FER: variants seen among roughly 807,000 people sequenced by gnomAD.
FER encodes the protein FER tyrosine kinase.
Under a neutral mutation model 111.0 loss-of-function variants are expected in FER, and 63 were observed. That is an observed-to-expected ratio of 0.57 (90% confidence interval 0.46 to 0.70). FER has a LOEUF of 0.70. Ranked by LOEUF, FER falls within the 30% of genes least tolerant of loss-of-function variation. The pLI, the probability that FER is intolerant of heterozygous loss-of-function variation, is 0.00. For synonymous variants in FER, 327 were observed against 313.9 expected (o/e 1.04, Z -0.44); for missense variants, 914 against 954.0 (o/e 0.96, Z 0.55).
In FER at chr5:108,822,732, T is replaced by A. The variant is rs907552788; in HGVS notation, c.208-10038T>A. 4.7e-3 allele frequency among the ~76,000 whole-genome samples: 648 copies of A among 137,928 alleles called. 1 individual carries two copies. Among genetic ancestry groups the A allele is most frequent in the Non-Finnish European group, 6.6e-3 (430 of 64,820 alleles). 90.5% of individuals were successfully genotyped at this position (137,928 alleles called of 152,430 possible). On this transcript the variant is annotated intron_variant, in intron 3 of 19. Transcript: ENST00000281092. ...TTATTTATTTTATTTTATTTTATTT[T>A]ATTTTATTTTATTTTATTTTATTTT...
At chr5:108,960,568 T>A (rs1167256591) in intron 13 of FER, among the ~76,000 whole-genome samples, 1 of 152,034 alleles carries the variant, frequency 6.6e-6, no homozygotes, top group Non-Finnish European at 1.5e-5. Flanking sequence ...TATATAAATC[T>A]TTCAATATTT....
At chr5:109,156,543 C>CAT (rs796820904) in intron 17 of FER, among the ~76,000 whole-genome samples, 40 of 151,700 alleles carry the variant, frequency 2.6e-4, no homozygotes, top group African/African-American at 8.9e-4. Context: ...GAGTCATGAG[C>CAT]ATATAGATGA....
At chr5:109,085,354 C>T (rs1203006647) in intron 16 of FER, among the ~76,000 whole-genome samples, 5 of 151,154 alleles carry the variant, frequency 3.3e-5, no homozygotes, top group Non-Finnish European at 1.5e-5. Flanking sequence ...ATTTACTTTT[C>T]AAGTATTTTT....
At chr5:108,888,868 A>G (rs1270495423) in intron 9 of FER, among the ~76,000 whole-genome samples, 1 of 151,894 alleles carries the variant, frequency 6.6e-6, no homozygotes. Flanking sequence ...TTAAAATGTT[A>G]GGACTAGAGA....
chr5:109,020,407 A>C (rs76427932), intron 13 of FER, among the ~76,000 whole-genome samples: 4,626 of 152,066 alleles, frequency 0.03, 107 homozygotes, highest in African/African-American at 0.065. Flanking sequence ...TTTTTAAAGA[A>C]TCTTCTAAAA....
At position 109,187,761 on chromosome 5, in the gene FER, A is replaced by AAGAAC. The variant is rs1759042252; in HGVS notation, c.*186_*187insAGAAC. 5 of 683,774 alleles carry AAGAAC rather than the reference A, an allele frequency of 7.3e-6. No homozygotes were observed. Among genetic ancestry groups the AAGAAC allele is most frequent in the Non-Finnish European group, 9.6e-6 (4 of 418,270 alleles). The allele number at this position is 683,774 out of a possible 1,614,324, so 42.4% of individuals were successfully genotyped here. On this transcript the variant is annotated 3_prime_UTR_variant, in exon 20 of 20. Transcript: ENST00000281092. ...AGTCAAAGGCAAATTTGTTAAAGAA[A>AAGAAC]TAGGCAGTCCTACCAAGGGCTTTCT...
chr5:108,966,447 G>T (rs1223662878), intron 13 of FER, among the ~76,000 whole-genome samples: 8 of 148,772 alleles, frequency 5.4e-5, no homozygotes, highest in African/African-American at 2.0e-4. Flanking sequence ...GAGTGCAGTG[G>T]CATGATCTCA....
chr5:109,156,739 A>G (rs1485012991), intron 17 of FER, among the ~76,000 whole-genome samples: 2 of 152,126 alleles, frequency 1.3e-5, no homozygotes, highest in African/African-American at 4.8e-5. Context: ...TCAAAGAAGC[A>G]GTGGTCAGTA....
intron 17 of FER, among the ~76,000 whole-genome samples, chr5:109,137,079 T>C (rs1561941959): frequency 6.7e-6 from 1 of 150,360 alleles, no homozygotes; most frequent in Non-Finnish European, 1.5e-5. Flanking sequence ...TTAAGAAATA[T>C]TTTTCGTTGT....
At chr5:109,116,018 C>T (rs578108535) in intron 17 of FER, among the ~76,000 whole-genome samples, 2 of 152,098 alleles carry the variant, frequency 1.3e-5, no homozygotes, top group East Asian at 1.9e-4. Context: ...TATATAATAA[C>T]ATGAAATGAT....
chr5:108,946,161 C>G lies in FER; in HGVS notation c.1268C>G (p.Ser423Cys). 6.2e-7 allele frequency: 1 copy of G among 1,612,294 alleles called. No individual in the cohort carries two copies. The highest frequency in any genetic ancestry group is 8.5e-7 in the Non-Finnish European group (1 of 1,178,846). Residue 423 changes from serine to cysteine, a missense_variant, in exon 11 of 20, where the codon TCT becomes TGT. Transcript: ENST00000281092. ...ERKERLSKFE[S>C]IRHSIAGIIR... Reference sequence around the variant, plus strand: ...AAGGAGAGGCTATCCAAATTTGAATCTATTCGTCATTCAATTGCTGGAATA... The same window carrying G: ...AAGGAGAGGCTATCCAAATTTGAATGTATTCGTCATTCAATTGCTGGAATA...
At chr5:108,852,887 A>G (rs946816953) in intron 5 of FER, among the ~76,000 whole-genome samples, 2 of 152,180 alleles carry the variant, frequency 1.3e-5, no homozygotes, top group African/African-American at 4.8e-5. Flanking sequence ...TAATCTCATT[A>G]AACACTGAAA....
chr5:109,105,038 C>T (rs903409726), intron 17 of FER, among the ~76,000 whole-genome samples: 9 of 152,040 alleles, frequency 5.9e-5, no homozygotes, highest in Non-Finnish European at 7.4e-5. Flanking sequence ...CCACCGCGCC[C>T]GGCCAAGACT....
At chr5:108,948,396 T>C (rs1017292984) in intron 11 of FER, among the ~76,000 whole-genome samples, 1 of 152,102 alleles carries the variant, frequency 6.6e-6, no homozygotes, top group South Asian at 2.1e-4. Context: ...TATTTTAATA[T>C]GTTATATCAG....
At chr5:108,777,409 G>T (rs1753610069) in intron 2 of FER, among the ~76,000 whole-genome samples, 2 of 152,082 alleles carry the variant, frequency 1.3e-5, no homozygotes, top group South Asian at 4.1e-4. Flanking sequence ...GTTTACAATT[G>T]ATGAACCTAC....
At chr5:109,039,945 T>G (rs540916773) in intron 14 of FER, among the ~76,000 whole-genome samples, 1 of 152,142 alleles carries the variant, frequency 6.6e-6, no homozygotes, top group Admixed American at 6.5e-5. Flanking sequence ...CTTACCTGAC[T>G]AAAAGATGAT....
intron 17 of FER, among the ~76,000 whole-genome samples, chr5:109,110,574 G>A (rs1223046515): frequency 6.6e-6 from 1 of 152,138 alleles, no homozygotes; most frequent in East Asian, 1.9e-4. Context: ...TCCACATGAG[G>A]TGGGGGTAAT....
chr5:108,813,325 TG>T (rs564214129), intron 3 of FER, among the ~76,000 whole-genome samples: 15 of 152,208 alleles, frequency 9.9e-5, no homozygotes, highest in Non-Finnish European at 1.9e-4. Flanking sequence ...CCTTTGTTAC[TG>T]ATGTTAAGCA....
At chr5:108,807,588 T>C (rs1471734906) in intron 3 of FER, among the ~76,000 whole-genome samples, 1 of 152,214 alleles carries the variant, frequency 6.6e-6, no homozygotes, top group Non-Finnish European at 1.5e-5. Flanking sequence ...TTTTGTTGTT[T>C]ATTTGTATGG....
Sources: allele counts gnomAD v4.1 joint callset (sites outside exome capture counted in the v4.1 genomes callset), GRCh38; gene constraint gnomAD v4.1.1; transcripts MANE v1.5; gene names NCBI Gene and HGNC (gene_info 2026-07-23, HGNC 2026-07-21).